NPAS3: variants seen among roughly 807,000 people sequenced by gnomAD.
NPAS3 encodes neuronal PAS domain protein 3.
In NPAS3, 14 loss-of-function variants were observed where a neutral mutation model predicts 73.1. The observed-to-expected ratio is 0.19, with a 90% CI of 0.13 to 0.30. NPAS3 has a LOEUF of 0.30. Ranked by LOEUF, NPAS3 falls within the 10% of genes least tolerant of loss-of-function variation. NPAS3 has a pLI of 1.00. For missense variants in NPAS3, 1,096 were observed against 1,250.0 expected, an observed-to-expected ratio of 0.88 and a Z score of 1.86; for synonymous variants, 620 against 541.5, an observed-to-expected ratio of 1.14 and a Z score of -2.01.
Position 33,218,651 on chromosome 14 carries a change from T to C in NPAS3, c.385+3225T>C, listed in dbSNP as rs547396995. Among the ~76,000 whole-genome samples, 28 of 152,302 alleles carry C rather than the reference T, an allele frequency of 1.8e-4. No individual in the cohort carries two copies. The East Asian group carries it at 5.2e-3, about 28-fold the overall frequency. ...ATCTCTTGAATAAACCTAAAGGCAT[T>C]TGGCAATTCGTATGAAATGTACTTA... is the stretch of plus-strand genomic sequence containing the variant. On this transcript the variant is annotated intron_variant, in intron 3 of 11. Transcript: ENST00000356141.
chr14:33,349,433 A>G (rs2140340388), intron 3 of NPAS3, among the ~76,000 whole-genome samples: 1 of 152,340 alleles, frequency 6.6e-6, no homozygotes, highest in Admixed American at 6.5e-5. Flanking sequence ...TATTTTATTT[A>G]ACAAATTAAC....
chr14:33,540,944 A>G (rs1276776448), intron 4 of NPAS3, among the ~76,000 whole-genome samples: 7 of 152,092 alleles, frequency 4.6e-5, no homozygotes, highest in Non-Finnish European at 7.4e-5. Flanking sequence ...GGCTTGGACT[A>G]GCATCTTTTT....
chr14:33,131,134 G>A (rs2043620004), intron 2 of NPAS3, among the ~76,000 whole-genome samples: 2 of 152,116 alleles, frequency 1.3e-5, no homozygotes. Flanking sequence ...ACCAGGTTCT[G>A]TGGGAGTTTA....
chr14:33,155,918 T>C (rs958161200), intron 2 of NPAS3, among the ~76,000 whole-genome samples: 1 of 152,228 alleles, frequency 6.6e-6, no homozygotes, highest in Non-Finnish European at 1.5e-5. Context: ...TCTCTTCAGA[T>C]GCCCTCTGTC....
intron 3 of NPAS3, among the ~76,000 whole-genome samples, chr14:33,348,009 C>G (rs900984788): frequency 6.6e-6 from 1 of 151,996 alleles, no homozygotes; most frequent in African/African-American, 2.4e-5. Flanking sequence ...CCAGGAAGGT[C>G]CCTGTTTCTC....
chr14:33,080,030 A>T (rs1281093928), intron 2 of NPAS3, among the ~76,000 whole-genome samples: 1 of 152,234 alleles, frequency 6.6e-6, no homozygotes, highest in African/African-American at 2.4e-5. Flanking sequence ...TAAGAAAGTT[A>T]CATATAGTGT....
At chr14:33,580,310 C>T (rs370768906) in intron 5 of NPAS3, among the ~76,000 whole-genome samples, 6 of 151,998 alleles carry the variant, frequency 3.9e-5, no homozygotes, top group Non-Finnish European at 7.4e-5. Context: ...AAAGGTGTGA[C>T]GTAAAGCTGA....
intron 4 of NPAS3, among the ~76,000 whole-genome samples, chr14:33,406,238 G>T (rs1434230585): frequency 6.6e-6 from 1 of 152,090 alleles, no homozygotes; most frequent in Non-Finnish European, 1.5e-5. Flanking sequence ...AGAATATTTA[G>T]CCATGCCCTG....
chr14:33,498,006 A>C lies in NPAS3; in HGVS notation c.469-62115A>C, dbSNP rs1395863742. Among the ~76,000 whole-genome samples, 3 of 152,178 alleles carry C rather than the reference A, an allele frequency of 2.0e-5. No individual in the cohort carries two copies. In the East Asian group the frequency reaches 5.8e-4, roughly 29 times the overall value. Reference sequence around the variant, plus strand: ...ATTTAAACAAATTTACAAGAAAAAAACAACCCCATCAAAAAGTAGGCAAAG... The same window carrying C: ...ATTTAAACAAATTTACAAGAAAAAACCAACCCCATCAAAAAGTAGGCAAAG... On this transcript the variant is annotated intron_variant, in intron 4 of 11. Coordinates refer to ENST00000356141, the Ensembl canonical transcript of NPAS3.
At chr14:33,733,176 G>A (rs74042400) in intron 6 of NPAS3, among the ~76,000 whole-genome samples, 18,991 of 152,044 alleles carry the variant, frequency 0.12, 1,279 homozygotes, top group African/African-American at 0.14. Context: ...CTTCACGTTA[G>A]TTCAAGTCTC....
chr14:33,639,402 A>G (rs2058615205), intron 5 of NPAS3, among the ~76,000 whole-genome samples: 2 of 152,220 alleles, frequency 1.3e-5, no homozygotes, highest in African/African-American at 4.8e-5. Flanking sequence ...TAATTTTCTA[A>G]AAAGACAAAG....
chr14:33,467,893 A>C (rs1425620129), intron 4 of NPAS3, among the ~76,000 whole-genome samples: 2 of 152,220 alleles, frequency 1.3e-5, no homozygotes, highest in Non-Finnish European at 2.9e-5. Flanking sequence ...TCATGCTTGC[A>C]ACACGCACGT....
intron 4 of NPAS3, among the ~76,000 whole-genome samples, chr14:33,536,020 T>C (rs10143694): frequency 0.18 from 27,286 of 152,148 alleles, 3,263 homozygotes; most frequent in African/African-American, 0.34. Context: ...GAGAGGCCTC[T>C]GGCTCCTGAC....
chr14:32,983,398 A>G (rs147945595), intron 1 of NPAS3, among the ~76,000 whole-genome samples: 67 of 152,308 alleles, frequency 4.4e-4, no homozygotes, highest in African/African-American at 1.4e-3. Context: ...ACCTGTTTAC[A>G]TTCCCACTAT....
At chr14:33,681,750 G>A (rs1249630703) in intron 6 of NPAS3, among the ~76,000 whole-genome samples, 3 of 152,148 alleles carry the variant, frequency 2.0e-5, no homozygotes, top group Non-Finnish European at 4.4e-5. Flanking sequence ...ATTGGACCAA[G>A]TTCTTTTATA....
At chr14:33,048,866 G>T (rs547619758) in intron 1 of NPAS3, among the ~76,000 whole-genome samples, 2 of 152,334 alleles carry the variant, frequency 1.3e-5, no homozygotes, top group East Asian at 3.9e-4. Context: ...GCTGCCATTT[G>T]CTAAGAGGGT....
At chr14:33,676,160 G>A (rs953906278) in intron 5 of NPAS3, 51 bp from the exon 6 acceptor site, 4 of 1,570,300 alleles carry the variant, frequency 2.5e-6, no homozygotes, top group South Asian at 2.3e-5. Context: ...ATTTGAAAAT[G>A]GAGAAGCCTA....
intron 2 of NPAS3, among the ~76,000 whole-genome samples, chr14:33,146,473 T>C (rs921141752): frequency 3.9e-5 from 6 of 152,236 alleles, no homozygotes; most frequent in Non-Finnish European, 5.9e-5. Context: ...TCAACAATTA[T>C]ATTTCTTACT....
chr14:33,271,447 GT>G (rs869190421), intron 3 of NPAS3, among the ~76,000 whole-genome samples: 2 of 142,980 alleles, frequency 1.4e-5, no homozygotes, highest in African/African-American at 5.0e-5. Flanking sequence ...GTGGCTAGCT[GT>G]TGGGGAGAAG....
Sources: gnomAD v4.1 joint callset for allele counts (sites outside exome capture counted in the v4.1 genomes callset) on GRCh38, gnomAD v4.1.1 for gene constraint, MANE v1.5 for transcripts, NCBI Gene and HGNC (gene_info 2026-07-23, HGNC 2026-07-21) for gene names.